The following SLC35E4 variants were observed in gnomAD, a reference collection of about 807,000 sequenced individuals.
SLC35E4 encodes the protein solute carrier family 35 member E4.
In SLC35E4, 15 loss-of-function variants were observed where a neutral mutation model predicts 19.3. That is an observed-to-expected ratio of 0.78 (90% CI 0.52 to 1.20). The LOEUF (loss-of-function observed/expected upper bound fraction) is 1.20, where lower values mean the gene tolerates loss of function less well. Among genes scored for constraint, SLC35E4 ranks in the 50% most tolerant of loss-of-function variants. SLC35E4 has a pLI of 0.00. For missense variants in SLC35E4, 406 were observed against 472.3 expected (o/e 0.86, Z 1.30); for synonymous variants, 219 against 219.9 (o/e 1.00, Z 0.04).
intron 1 of SLC35E4, among the ~76,000 whole-genome samples, chr22:30,643,957 G>T (rs1369230448): frequency 2.0e-5 from 3 of 152,222 alleles, no homozygotes; most frequent in Admixed American, 1.3e-4. Context: ...GGGCTGCAGG[G>T]AGGGGAGGTG....
rs566474874 is a variant in SLC35E4, at chr22:30,636,245, C to T, written c.-206C>T. 10 of 716,910 alleles carry T rather than the reference C, an allele frequency of 1.4e-5. No homozygotes were observed. Among genetic ancestry groups the T allele is most frequent in the Non-Finnish European group, 2.1e-5 (10 of 470,300 alleles). 44.4% of individuals were successfully genotyped at this position (716,910 alleles called of 1,614,324 possible). A position where few individuals can be genotyped will look rare whatever the true frequency, so the allele number is the denominator to read the frequency against. On this transcript the variant is annotated 5_prime_UTR_variant, in exon 1 of 2. Coordinates refer to ENST00000343605, the MANE Select transcript of SLC35E4 (RefSeq NM_001001479.4). Reference sequence around the variant, plus strand: ...GGCATCCTAGCAGCCGCGACCTTGGCTCTGCCCTGTCTGAGCTGGAAACAC... The same window carrying T: ...GGCATCCTAGCAGCCGCGACCTTGGTTCTGCCCTGTCTGAGCTGGAAACAC...
chr22:30,646,711 C>A lies in SLC35E4; in HGVS notation c.733C>A (p.Pro245Thr). ...CCTGGTGCTGGAGGCTGGCGTTGCC[C>A]CACCGCCCACTGCTGGCGACTCTCG... is the stretch of plus-strand genomic sequence containing the variant. ...AALVLEAGVA[P>T]PPTAGDSRLW... Residue 245 changes from proline (P) to threonine (T), a missense_variant, in exon 2 of 2, where the codon CCA becomes ACA. Coordinates refer to ENST00000343605, the MANE Select transcript of SLC35E4 (RefSeq NM_001001479.4). 1 of 1,612,686 alleles carries A rather than the reference C, an allele frequency of 6.2e-7. No individual in the cohort carries two copies. The highest frequency in any genetic ancestry group is 8.5e-7 in the Non-Finnish European group (1 of 1,179,790).
At chr22:30,650,034 C>T (rs1163992219), downstream of SLC35E4, among the ~76,000 whole-genome samples, 1 of 149,416 alleles carries the variant, frequency 6.7e-6, no homozygotes, top group Non-Finnish European at 1.5e-5. Context: ...GATTGGGAGT[C>T]AAAAAGCTTG....
At chr22:30,656,473 A>G (rs1308385677) in intron 2 of SLC35E4, among the ~76,000 whole-genome samples, 1 of 152,162 alleles carries the variant, frequency 6.6e-6, no homozygotes, top group Non-Finnish European at 1.5e-5. Context: ...TTCTCAAACC[A>G]AATTTAATTG....
Position 30,636,561 on chromosome 22 carries a change from C to T in SLC35E4, c.111C>T (p.Ser37=). The change falls in exon 1 of 2, where the codon AGC becomes AGT. Residue 37 remains serine (S), a synonymous_variant. Transcript: ENST00000343605. ...GGCCCCCCGAGTGGCCCCCTGGCAG[C>T]CCTCAGGCCCTCCGGCAGCCTGGCC... ...AAGPPEWPPG[S]PQALRQPGRA... 6.4e-7 allele frequency: 1 copy of T among 1,574,046 alleles called. No homozygotes were observed. The highest frequency in any genetic ancestry group is 1.8e-5 in the Admixed American group (1 of 54,554).
Position 30,636,983 on chromosome 22 carries a change from T to C in SLC35E4, c.533T>C (p.Leu178Pro). The C allele has an allele frequency of 6.2e-7, 1 of 1,611,838 alleles. No homozygotes were observed. Among genetic ancestry groups the C allele is most frequent in the Non-Finnish European group, 8.5e-7 (1 of 1,179,006 alleles). Residue 178 changes from leucine (L) to proline (P), a missense_variant, in exon 1 of 2, where the codon CTG (leucine) becomes CCG (proline). By Grantham distance (98) the Leu-to-Pro change is moderately conservative. Coordinates refer to ENST00000343605, the MANE Select transcript of SLC35E4 (RefSeq NM_001001479.4). ...GPLCLGAACS[L>P]AGEFRTPPTG... ...CTCTGCCTGGGGGCCGCCTGCAGCC[T>C]GGCTGGAGAGTTCCGGACACCCCCT...
chr22:30,659,019 G>A (rs997004151), intron 2 of SLC35E4, among the ~76,000 whole-genome samples: 10 of 151,734 alleles, frequency 6.6e-5, no homozygotes, highest in African/African-American at 2.2e-4. Flanking sequence ...AGCTATTCGG[G>A]AGGCTGAGGC....
chr22:30,657,452 C>CT (rs2088363002), intron 2 of SLC35E4, among the ~76,000 whole-genome samples: 3 of 112,250 alleles, frequency 2.7e-5, no homozygotes, highest in Admixed American at 2.1e-4. Context: ...GAGCAAGACT[C>CT]TGTCTCAAAA....
downstream of SLC35E4, chr22:30,649,087 G>T: frequency 1.4e-6 from 1 of 691,262 alleles, no homozygotes; most frequent in South Asian, 1.6e-5. Context: ...AGATGATAAG[G>T]ACCCAGTTGG....
Position 30,640,016 on chromosome 22 carries a change from C to T in SLC35E4, c.619+2947C>T, listed in dbSNP as rs554472575. 2.2e-3 allele frequency among the ~76,000 whole-genome samples: 337 copies of T among 152,188 alleles called. 2 individuals are homozygous for T. The highest frequency in any genetic ancestry group is 7.5e-3 in the African/African-American group (313 of 41,504). On this transcript the variant is annotated intron_variant, in intron 1 of 1. Transcript: ENST00000343605. ...GTTCAGAGATTGCAGTAAAGACAGG[C>T]GTAAGAAATTACAAAAGTATTAATT...
intron 1 of SLC35E4, among the ~76,000 whole-genome samples, chr22:30,643,922 G>C (rs2088086259): frequency 6.6e-6 from 1 of 152,196 alleles, no homozygotes; most frequent in South Asian, 2.1e-4. Flanking sequence ...CACCGCCTCT[G>C]ACAGCGAATG....
intron 1 of SLC35E4, among the ~76,000 whole-genome samples, chr22:30,642,874 C>CA (rs1387971006): frequency 2.7e-5 from 4 of 150,474 alleles, no homozygotes; most frequent in African/African-American, 4.9e-5. Context: ...CTAAAAAATA[C>CA]AAAAAAATAG....
chr22:30,636,833 TA>T lies in SLC35E4; in HGVS notation c.385del (p.Arg129GlyfsTer90). On this transcript the variant is annotated frameshift_variant, in exon 1 of 2. Transcript: ENST00000343605. LOFTEE classifies it high-confidence loss of function. ...GTSMACGNVG[L>X]RAVPLDLAQL... is the part of the protein sequence containing the mutation. ...TCCATGGCCTGCGGCAACGTGGGCCTAAGGGCTGTGCCCCTGGACCTGGCAC... is the reference window on the plus strand; with the variant it reads ...TCCATGGCCTGCGGCAACGTGGGCCTAGGGCTGTGCCCCTGGACCTGGCAC... 1 of 1,613,034 alleles carries T rather than the reference TA, an allele frequency of 6.2e-7. No individual in the cohort carries two copies. Among genetic ancestry groups the T allele is most frequent in the Non-Finnish European group, 8.5e-7 (1 of 1,179,626 alleles).
intron 1 of SLC35E4, among the ~76,000 whole-genome samples, chr22:30,640,894 G>A (rs1305321250): frequency 6.6e-6 from 1 of 152,120 alleles, no homozygotes; most frequent in African/African-American, 2.4e-5. Flanking sequence ...TGGGATTGAT[G>A]ACAGCCCACA....
At chr22:30,658,474 A>G (rs530796832) in intron 2 of SLC35E4, among the ~76,000 whole-genome samples, 10 of 152,126 alleles carry the variant, frequency 6.6e-5, no homozygotes, top group African/African-American at 2.2e-4. Flanking sequence ...TCATCTGTCC[A>G]AAGCATCTGC....
In SLC35E4 at chr22:30,646,938, A is replaced by C; in HGVS notation, c.960A>C (p.Ser320=). ...LSYVGIALTL[S]GMFLYHNCEF... ...ACGTGGGCATCGCACTCACTCTTTC[A>C]GGAATGTTCCTTTACCACAACTGCG... Residue 320 remains serine, a synonymous_variant, in exon 2 of 2, where the codon TCA becomes TCC. Transcript: ENST00000343605. 6.2e-7 allele frequency: 1 copy of C among 1,614,140 alleles called. No individual in the cohort carries two copies. Among genetic ancestry groups the C allele is most frequent in the Non-Finnish European group, 8.5e-7 (1 of 1,180,034 alleles).
Position 30,646,682 on chromosome 22 carries a change from C to T in SLC35E4, c.704C>T (p.Ala235Val). 1.2e-6 allele frequency: 2 copies of T among 1,611,742 alleles called. No individual in the cohort carries two copies. The highest frequency in any genetic ancestry group is 1.7e-6 in the Non-Finnish European group (2 of 1,179,548). Residue 235 changes from alanine (A) to valine (V), a missense_variant, in exon 2 of 2, where the codon GCA becomes GTA. Ala to Val is a moderately conservative substitution (Grantham distance 64). Coordinates refer to ENST00000343605, the MANE Select transcript of SLC35E4 (RefSeq NM_001001479.4). The part of the protein sequence containing the change: ...SLPSFCLLAG[A>V]ALVLEAGVAP... ...CCCAGCTTCTGCCTGCTGGCGGGTG[C>T]AGCCCTGGTGCTGGAGGCTGGCGTT... is the stretch of plus-strand genomic sequence containing the variant.
intron 1 of SLC35E4, among the ~76,000 whole-genome samples, chr22:30,645,819 A>AT (rs1179064724): frequency 0.27 from 33,509 of 122,782 alleles, 4,453 homozygotes; most frequent in Admixed American, 0.34. Flanking sequence ...TACCTGACCG[A>AT]TTTTTTTTTT....
At chr22:30,657,932 A>C (rs963241964) in intron 2 of SLC35E4, among the ~76,000 whole-genome samples, 4 of 146,660 alleles carry the variant, frequency 2.7e-5, no homozygotes, top group Non-Finnish European at 6.0e-5. Context: ...AATAATAATA[A>C]TAATAATAAT....
Sources: allele counts gnomAD v4.1 joint callset (sites outside exome capture counted in the v4.1 genomes callset), GRCh38; gene constraint gnomAD v4.1.1; transcripts MANE v1.5; gene names NCBI Gene and HGNC (gene_info 2026-07-23, HGNC 2026-07-21).